Variants in CORO7 observed in about 807,000 individuals in gnomAD.
The protein encoded by CORO7 is coronin-7.
CORO7 carries 107 observed loss-of-function variants against 126.6 expected under a neutral mutation model. The observed-to-expected ratio is 0.85, with a 90% CI of 0.72 to 0.99. The LOEUF is 0.99. Ranked by LOEUF, CORO7 falls within the 50% of genes least tolerant of loss-of-function variation. The probability of loss-of-function intolerance (pLI) is 0.00; values close to 1 mark genes in which losing one functional copy is unlikely to be tolerated. For missense variants in CORO7, 1,314 were observed against 1,255.8 expected (o/e 1.05, Z -0.70); for synonymous variants, 603 against 536.8 (o/e 1.12, Z -1.70).
chr16:4,376,359 C>G (rs1216612914), intron 9 of CORO7, among the ~76,000 whole-genome samples: 6 of 152,216 alleles, frequency 3.9e-5, no homozygotes, highest in African/African-American at 1.4e-4. Context: ...GCTGCCAGGC[C>G]TGACCGGCCA....
intron 25 of CORO7, chr16:4,357,569 T>C: frequency 2.9e-6 from 1 of 342,008 alleles, no homozygotes; most frequent in South Asian, 3.9e-5. Context: ...TTGGCCAGGC[T>C]GGTCTCAAAC....
rs776668448 is a variant in CORO7 at position 4,416,518 on chromosome 16, T to TGGCGACGGGCAC, written c.-12_-1dup. On this transcript the variant is annotated 5_prime_UTR_variant, in exon 1 of 28. Transcript: ENST00000251166. ...AACTTGGACACCCTGAAGCGGTTCA[T>TGGCGACGGGCAC]GGCGACGGGCACGGCGGCGGACGCG... 6.3e-7 allele frequency: 1 copy of TGGCGACGGGCAC among 1,575,784 alleles called. No homozygotes were observed. The highest frequency in any genetic ancestry group is 8.6e-7 in the Non-Finnish European group (1 of 1,164,266).
chr16:4,387,179 C>G (rs1037658711), intron 9 of CORO7, among the ~76,000 whole-genome samples: 1 of 151,910 alleles, frequency 6.6e-6, no homozygotes, highest in Non-Finnish European at 1.5e-5. Flanking sequence ...CTCTGAACAC[C>G]CCCCCCAGCC....
intron 7 of CORO7, among the ~76,000 whole-genome samples, chr16:4,394,704 G>A (rs1410695843): frequency 6.6e-6 from 1 of 152,202 alleles, no homozygotes; most frequent in Non-Finnish European, 1.5e-5. Flanking sequence ...CCAGACACAG[G>A]GCCCTGTCCC....
At chr16:4,391,113 G>A (rs1048942546) in intron 7 of CORO7, among the ~76,000 whole-genome samples, 7 of 152,204 alleles carry the variant, frequency 4.6e-5, no homozygotes, top group African/African-American at 1.7e-4. Flanking sequence ...CATCAATGGA[G>A]TGATCACCAG....
At position 4,382,461 on chromosome 16, in the gene CORO7, C is replaced by T. The variant is rs370628475; in HGVS notation, c.785+5525G>A. 7.5e-5 allele frequency: 120 copies of T among 1,608,182 alleles called. 2 individuals carry two copies. In the Middle Eastern group the frequency reaches 1.8e-3, roughly 24 times the overall value. On this transcript the variant is annotated intron_variant, in intron 9 of 27. Transcript: ENST00000251166. The stretch of plus-strand genomic sequence containing the variant: ...ACACGGTCACCCAGCTGCGGCCCAA[C>T]GCCACTTACTCCGTCTGTGTCATGC...
At chr16:4,389,302 G>T (rs1596316528) in intron 7 of CORO7, among the ~76,000 whole-genome samples, 2 of 152,298 alleles carry the variant, frequency 1.3e-5, no homozygotes, top group Middle Eastern at 6.8e-3. Flanking sequence ...AGCTCACATG[G>T]TGGGTGGGGC....
At chr16:4,359,686 G>T in intron 21 of CORO7, 65 bp from the exon 22 acceptor site, 1 of 1,528,532 alleles carries the variant, frequency 6.5e-7, no homozygotes. Context: ...GCAGGGAGAA[G>T]GCGCCCACGT....
intron 9 of CORO7, among the ~76,000 whole-genome samples, chr16:4,376,816 C>A (rs563503410): frequency 6.6e-6 from 1 of 152,190 alleles, no homozygotes; most frequent in Non-Finnish European, 1.5e-5. Context: ...AGATACCCCA[C>A]CCCCGCTCCC....
rs760082029 is a variant in CORO7 at position 4,416,482 on chromosome 16, C to T, written c.37G>A (p.Glu13Lys). Residue 13 changes from glutamate (E) to lysine (K), a missense_variant, in exon 1 of 28, where the codon GAG becomes AAG. Transcript: ENST00000251166. ...RFRVSKFRHTEARPPRRESWI... is the reference protein window; with the variant it reads ...RFRVSKFRHTKARPPRRESWI... ...ACCTCGCGGCGGGGCGGCCGAGCCT[C>T]GGTGTGCCGGAACTTGGACACCCTG... 5 of 1,578,874 alleles carry T rather than the reference C, an allele frequency of 3.2e-6. No individual in the cohort carries two copies. The highest frequency in any genetic ancestry group is 3.6e-5 in the Admixed American group (2 of 56,208).
Position 4,381,251 on chromosome 16 carries a change from G to A in CORO7, c.785+6735C>T, listed in dbSNP as rs750677669. The A allele has an allele frequency of 4.7e-5, 76 of 1,611,234 alleles. 1 individual carries two copies. Among genetic ancestry groups the A allele is most frequent in the Non-Finnish European group, 5.8e-5 (68 of 1,179,342 alleles). ...AATGAGACCTTCCGTGGCCTGCGGC[G>A]CCTCGAGCGCCTCTACCTGGGCAAG... is the stretch of plus-strand genomic sequence containing the variant. On this transcript the variant is annotated intron_variant, in intron 9 of 27. Transcript: ENST00000251166.
At chr16:4,369,277 G>A (rs1299823699) in intron 9 of CORO7, among the ~76,000 whole-genome samples, 1 of 152,296 alleles carries the variant, frequency 6.6e-6, no homozygotes, top group Non-Finnish European at 1.5e-5. Flanking sequence ...CAGCCCCAAA[G>A]GTTGGCCAAG....
chr16:4,361,763 C>G (rs375186130), intron 16 of CORO7: 1 of 839,866 alleles, frequency 1.2e-6, no homozygotes, highest in East Asian at 2.6e-5. Context: ...CTGTGTGACC[C>G]GGGCAGGTCA....
At chr16:4,365,618 C>T (rs374311512) in intron 9 of CORO7, 73 bp from the exon 10 acceptor site, 330 of 1,537,748 alleles carry the variant, frequency 2.1e-4, no homozygotes, top group Non-Finnish European at 2.8e-4. Context: ...CATGTAGGAG[C>T]CCAGGACAGG....
Position 4,412,432 on chromosome 16 carries a change from T to C in CORO7, c.158-2A>G. ...GCAGAGGCACAATGCCCAGTACACC[T>C]GTTAAACAAACACGGGGACTCTGAC... On this transcript the variant is annotated splice_acceptor_variant, in intron 2 of 27. Transcript: ENST00000251166. LOFTEE classifies it high-confidence loss of function. 1 of 1,614,156 alleles carries C rather than the reference T, an allele frequency of 6.2e-7. No individual in the cohort carries two copies. Among genetic ancestry groups the C allele is most frequent in the Non-Finnish European group, 8.5e-7 (1 of 1,180,012 alleles).
chr16:4,359,440 C>A (rs569923937), intron 22 of CORO7, 40 bp downstream of exon 22: 2 of 1,613,344 alleles, frequency 1.2e-6, no homozygotes, highest in East Asian at 4.5e-5. Context: ...CTTCCCCCCA[C>A]CACCTCTCAC....
chr16:4,412,254 T>TGGCA, intron 3 of CORO7, 102 bp downstream of exon 3: 1 of 1,318,566 alleles, frequency 7.6e-7, no homozygotes, highest in Non-Finnish European at 1.1e-6. Flanking sequence ...AGGAGGGACC[T>TGGCA]GGCAAGCCAT....
chr16:4,403,869 G>T (rs1026446661), intron 6 of CORO7, among the ~76,000 whole-genome samples: 1 of 152,166 alleles, frequency 6.6e-6, no homozygotes, highest in African/African-American at 2.4e-5. Flanking sequence ...TGCCTGGGAC[G>T]CCCGTCCCCT....
chr16:4,402,129 G>C (rs1439926529), intron 6 of CORO7, among the ~76,000 whole-genome samples: 1 of 151,976 alleles, frequency 6.6e-6, no homozygotes, highest in African/African-American at 2.4e-5. Context: ...AGTAGAGGAG[G>C]GGTTTCACTA....
Sources: allele counts gnomAD v4.1 joint callset (sites outside exome capture counted in the v4.1 genomes callset), GRCh38; gene constraint gnomAD v4.1.1; transcripts MANE v1.5; gene names NCBI Gene and HGNC (gene_info 2026-07-23, HGNC 2026-07-21).